The following USP15 variants were observed in gnomAD, a reference collection of about 807,000 sequenced individuals.
The protein encoded by USP15 is ubiquitin specific peptidase 15, also known as ubiquitin carboxyl-terminal hydrolase 15.
Under a neutral mutation model 127.1 loss-of-function variants are expected in USP15, and 18 were observed. The ratio of observed to expected loss-of-function variants is 0.14; its 90% CI spans 0.10 to 0.21. The LOEUF (loss-of-function observed/expected upper bound fraction) is 0.21. Ranked by LOEUF, USP15 falls within the 10% of genes least tolerant of loss-of-function variation. The pLI is 1.00. For missense variants in USP15, 805 were observed against 1,159.9 expected (o/e 0.69, Z 4.44); for synonymous variants, 364 against 393.7 (o/e 0.92, Z 0.89).
intron 1 of USP15, among the ~76,000 whole-genome samples, chr12:62,291,768 C>T (rs1172228339): frequency 6.6e-6 from 1 of 152,144 alleles, no homozygotes; most frequent in African/African-American, 2.4e-5. Context: ...TATGAATTTC[C>T]TGGTTTTAGA....
At chr12:62,266,790 C>T (rs2063202010) in intron 1 of USP15, among the ~76,000 whole-genome samples, 1 of 152,048 alleles carries the variant, frequency 6.6e-6, no homozygotes, top group African/African-American at 2.4e-5. Flanking sequence ...TTTGCTTGCT[C>T]ATAGTTTACT....
chr12:62,294,449 C>A, intron 2 of USP15, 143 bp downstream of exon 2: 3 of 831,812 alleles, frequency 3.6e-6, no homozygotes, highest in African/African-American at 1.8e-5. Flanking sequence ...ACTCATTATT[C>A]TAATAAGTTA....
intron 8 of USP15, among the ~76,000 whole-genome samples, chr12:62,361,928 C>T (rs1271773289): frequency 6.6e-6 from 1 of 151,996 alleles, no homozygotes; most frequent in African/African-American, 2.4e-5. Context: ...TACTAGTTCT[C>T]ATATAAACCC....
chr12:62,392,448 GC>G, intron 18 of USP15, 61 bp downstream of exon 18: 1 of 1,205,932 alleles, frequency 8.3e-7, no homozygotes, highest in Non-Finnish European at 1.2e-6. Flanking sequence ...TGAGATATGT[GC>G]CACATCAAGT....
At chr12:62,401,725 T>C (rs2067695170) in intron 21 of USP15, among the ~76,000 whole-genome samples, 1 of 151,674 alleles carries the variant, frequency 6.6e-6, no homozygotes. Flanking sequence ...ATAAAACAAA[T>C]TACAGATTTA....
intron 11 of USP15, among the ~76,000 whole-genome samples, chr12:62,387,719 A>G (rs1441695901): frequency 1.3e-5 from 2 of 152,230 alleles, no homozygotes; most frequent in Admixed American, 1.3e-4. Flanking sequence ...TATAGATATC[A>G]TTAATAAAGT....
intron 8 of USP15, among the ~76,000 whole-genome samples, chr12:62,356,495 A>G (rs1480133206): frequency 6.6e-6 from 1 of 151,962 alleles, no homozygotes; most frequent in Non-Finnish European, 1.5e-5. Flanking sequence ...GGAAATTAGA[A>G]TCTGTCATAC....
intron 2 of USP15, among the ~76,000 whole-genome samples, chr12:62,299,032 C>G (rs542195841): frequency 5.9e-5 from 9 of 152,242 alleles, no homozygotes; most frequent in East Asian, 3.9e-4. Flanking sequence ...TGCCACCCCC[C>G]ACTCTAGACA....
rs1008929925 is a variant in USP15, at chr12:62,398,201, C to CA, written c.2674+1804dup. Among the ~76,000 whole-genome samples the CA allele has an allele frequency of 7.2e-5, 11 of 152,102 alleles. No individual in the cohort carries two copies. In the East Asian group the frequency reaches 2.1e-3, roughly 30 times the overall value. The stretch of plus-strand genomic sequence containing the variant: ...AGCAGTGGGGTTTCACCATGGTGCC[C>CA]AGGCTGGTCTTGAACTCCTGGGCTC... On this transcript the variant is annotated intron_variant, in intron 20 of 21. Coordinates refer to ENST00000280377, the MANE Select transcript of USP15 (RefSeq NM_001252078.2).
chr12:62,260,539 G>A (rs1299058186), intron 1 of USP15, 36 bp downstream of exon 1: 1 of 1,535,544 alleles, frequency 6.5e-7, no homozygotes, highest in Non-Finnish European at 8.8e-7. Flanking sequence ...GCGGTTGCCC[G>A]AGGATAGTGG....
chr12:62,297,640 T>A (rs973690326), intron 2 of USP15, among the ~76,000 whole-genome samples: 1 of 152,222 alleles, frequency 6.6e-6, no homozygotes, highest in Non-Finnish European at 1.5e-5. Flanking sequence ...CAAAAAAAGT[T>A]TGAGATGTTC....
intron 5 of USP15, among the ~76,000 whole-genome samples, chr12:62,324,591 C>T (rs1235928816): frequency 6.6e-6 from 1 of 151,884 alleles, no homozygotes; most frequent in Admixed American, 6.6e-5. Flanking sequence ...ACAGTGATTA[C>T]TTGTCTCTAG....
Position 62,414,976 on chromosome 12 carries a change from A to G in USP15, c.*10601A>G, listed in dbSNP as rs954592531. The G allele has an allele frequency of 2.0e-5, 3 of 147,158 alleles. No homozygotes were observed. Among genetic ancestry groups the G allele is most frequent in the African/African-American group, 5.1e-5 (2 of 39,544 alleles). The allele number at this position is 147,158 out of a possible 1,614,324, so 9.1% of individuals were successfully genotyped here. A position where few individuals can be genotyped will look rare whatever the true frequency, so the allele number is the denominator to read the frequency against. On this transcript the variant is annotated 3_prime_UTR_variant, in exon 22 of 22. Coordinates refer to ENST00000280377, the MANE Select transcript of USP15 (RefSeq NM_001252078.2). ...CCTCATATATACACATATCATGTAT[A>G]TACATATATATCATATATGTACATA...
chr12:62,312,199 C>CA (rs2064700013), intron 3 of USP15: 1 of 180,120 alleles, frequency 5.6e-6, no homozygotes, highest in Non-Finnish European at 1.2e-5. Flanking sequence ...AAGAGTAAGT[C>CA]AGTCTGTTAG....
intron 8 of USP15, among the ~76,000 whole-genome samples, chr12:62,368,098 T>C (rs987865158): frequency 1.3e-5 from 2 of 152,216 alleles, no homozygotes; most frequent in Admixed American, 1.3e-4. Flanking sequence ...GGTTGTTCAG[T>C]TTCCATGTAG....
At chr12:62,288,966 C>G (rs1045738996) in intron 1 of USP15, among the ~76,000 whole-genome samples, 1 of 151,976 alleles carries the variant, frequency 6.6e-6, no homozygotes, top group South Asian at 2.1e-4. Flanking sequence ...ATTATCTTTT[C>G]GAATGCTGTT....
At chr12:62,350,659 C>T (rs954710805) in intron 7 of USP15, among the ~76,000 whole-genome samples, 4 of 152,124 alleles carry the variant, frequency 2.6e-5, no homozygotes, top group African/African-American at 9.7e-5. Flanking sequence ...GGATCTCACC[C>T]TGTCACCCAG....
intron 1 of USP15, 74 bp from the exon 2 acceptor site, chr12:62,294,105 C>T (rs1277404200): frequency 2.0e-6 from 3 of 1,487,360 alleles, no homozygotes; most frequent in East Asian, 4.7e-5. Flanking sequence ...AAGGAAATAT[C>T]AAAAAATAGA....
intron 6 of USP15, among the ~76,000 whole-genome samples, chr12:62,347,453 G>C (rs2065853556): frequency 6.6e-6 from 1 of 151,468 alleles, no homozygotes; most frequent in South Asian, 2.1e-4. Flanking sequence ...TTTACTATAA[G>C]ATTCAGGGGA....
Sources: allele counts gnomAD v4.1 joint callset (sites outside exome capture counted in the v4.1 genomes callset), GRCh38; gene constraint gnomAD v4.1.1; transcripts MANE v1.5; gene names NCBI Gene and HGNC (gene_info 2026-07-23, HGNC 2026-07-21).